The following ZNFX1 variants were observed in gnomAD, a reference collection of about 807,000 sequenced individuals.
The protein encoded by ZNFX1 is zinc finger NFX1-type containing 1.
ZNFX1 carries 78 observed loss-of-function variants against 179.8 expected under a neutral mutation model. That is an observed-to-expected ratio of 0.43 (90% CI 0.36 to 0.52). The LOEUF is 0.52. Ranked by LOEUF, ZNFX1 falls within the 20% of genes least tolerant of loss-of-function variation. The probability of loss-of-function intolerance (pLI) is 0.00; values close to 1 mark genes in which losing one functional copy is unlikely to be tolerated. For synonymous variants in ZNFX1, 848 were observed against 868.5 expected (o/e 0.98, Z 0.42); for missense variants, 1,927 against 2,386.6 (o/e 0.81, Z 4.01).
Position 49,270,927 on chromosome 20 carries a change from C to T in ZNFX1, c.885G>A (p.Leu295=), listed in dbSNP as rs768206568. Residue 295 remains leucine, a synonymous_variant, in exon 3 of 14, where the codon CTG becomes CTA. Transcript: ENST00000396105. This position sits in a 1 kb window ranked among gnomAD's most constrained non-coding sequence, Gnocchi z 4.6. The part of the protein sequence containing the change: ...VDIEEETEKN[L]EKVQTIIEHL... ...GTTCAATGATAGTCTGTACCTTTTC[C>T]AGGTTCTTCTCCGTTTCCTCTTCTA... is the stretch of plus-strand genomic sequence containing the variant. The T allele has an allele frequency of 1.9e-6, 3 of 1,614,152 alleles. No individual in the cohort carries two copies. The Admixed American group carries it at 5.0e-5, about 27-fold the overall frequency.
intron 3 of ZNFX1, 73 bp from the exon 4 acceptor site, chr20:49,266,339 T>C: frequency 7.3e-7 from 1 of 1,372,312 alleles, no homozygotes; most frequent in Non-Finnish European, 9.8e-7. Flanking sequence ...GAGCAAAATC[T>C]TTTTTTAAAT....
At chr20:49,255,730 A>C (rs1980953959) in intron 9 of ZNFX1, 78 bp downstream of exon 9, 1 of 1,480,184 alleles carries the variant, frequency 6.8e-7, no homozygotes, top group African/African-American at 1.4e-5. Flanking sequence ...ACATCGTTGA[A>C]GGTCTTGGAG....
At chr20:49,262,425 G>GA (rs201850269) in intron 6 of ZNFX1, among the ~76,000 whole-genome samples, 68 of 129,238 alleles carry the variant, frequency 5.3e-4, no homozygotes, top group African/African-American at 5.4e-4. Flanking sequence ...AAAAAAAGAA[G>GA]AAAAAAAAAA....
In ZNFX1 at chr20:49,260,523, G is replaced by A. The variant is rs770796171; in HGVS notation, c.2356C>T (p.Leu786=). The A allele has an allele frequency of 7.4e-6, 12 of 1,613,278 alleles. No homozygotes were observed. In the Admixed American group the frequency reaches 2.0e-4, roughly 27 times the overall value. ...HWKHSMMLEW[L]GLGVGSFTQS... ...GTGAAAGAACCGACACCAAGACCTA[G>A]CCACTCCAGCATCATGGAATGCTTC... The change falls in exon 7 of 14, where the codon CTA becomes TTA. Residue 786 remains leucine (L), a synonymous_variant. Coordinates refer to ENST00000396105, the MANE Select transcript of ZNFX1 (RefSeq NM_021035.3).
In ZNFX1 at chr20:49,262,627, C is replaced by T. The variant is rs117183153; in HGVS notation, c.2301+707G>A. ...TCACTTATTTGTAAGACCTGAATGA[C>T]CTCTGTAAGCTTTTGGTTTGTAATC... is the stretch of plus-strand genomic sequence containing the variant. On this transcript the variant is annotated intron_variant, in intron 6 of 13. Transcript: ENST00000396105. 7.1e-3 allele frequency among the ~76,000 whole-genome samples: 1,075 copies of T among 152,224 alleles called. 7 individuals carry two copies. Among genetic ancestry groups the T allele is most frequent in the Non-Finnish European group, 0.01 (705 of 68,014 alleles).
chr20:49,253,978 C>T (rs1980906035), intron 10 of ZNFX1, among the ~76,000 whole-genome samples, 167 bp from the exon 11 acceptor site: 1 of 152,048 alleles, frequency 6.6e-6, no homozygotes, highest in South Asian at 2.1e-4. Context: ...CTGTGTTGGT[C>T]ACTGTTGGAG....
intron 7 of ZNFX1, among the ~76,000 whole-genome samples, chr20:49,258,626 T>A (rs557145431): frequency 8.8e-6 from 1 of 114,200 alleles, no homozygotes; most frequent in South Asian, 2.8e-4. Context: ...GCCAACACGG[T>A]GAAACTCTGT....
chr20:49,255,616 T>G (rs1980950244), intron 9 of ZNFX1, among the ~76,000 whole-genome samples, 192 bp downstream of exon 9: 1 of 152,242 alleles, frequency 6.6e-6, no homozygotes, highest in Admixed American at 6.5e-5. Context: ...TTACCCTGGA[T>G]AGACTCTATA....
Position 49,252,797 on chromosome 20 carries a change from T to G in ZNFX1, c.3139A>C (p.Lys1047Gln). The G allele has an allele frequency of 1.2e-6, 2 of 1,614,124 alleles. No homozygotes were observed. The highest frequency in any genetic ancestry group is 1.7e-6 in the Non-Finnish European group (2 of 1,180,012). The change falls in exon 12 of 14, where the codon AAG (lysine) becomes CAG (glutamine). Residue 1047 changes from lysine (K) to glutamine (Q), a missense_variant. Lys to Gln is a moderately conservative substitution (Grantham distance 53). Transcript: ENST00000396105. ...AGGGACACCTCAAGGTTGAAGTTCT[T>G]GGCCAGATCATACACGTTGGCACTG... ...RPSANVYDLA[K>Q]NFNLEVSLFE...
rs1193086752 is a variant in ZNFX1, at chr20:49,271,682, G to A, written c.130C>T (p.Arg44Ter). Residue 44 changes from arginine (R) to a stop codon, truncating the protein, a stop_gained, in exon 3 of 14, where the codon CGA (arginine) becomes TGA (stop). Coordinates refer to ENST00000396105, the MANE Select transcript of ZNFX1 (RefSeq NM_021035.3). LOFTEE classifies it high-confidence loss of function. ...QANNPPANAL[R>*]GGASHPGRHP... The stretch of plus-strand genomic sequence containing the variant: ...CTTCCAGGGTGGCTGGCTCCTCCTC[G>A]GAGAGCATTGGCTGGTGGGTTATTG... 3.7e-6 allele frequency: 6 copies of A among 1,613,694 alleles called. No homozygotes were observed. Among genetic ancestry groups the A allele is most frequent in the African/African-American group, 1.3e-5 (1 of 74,814 alleles).
At position 49,270,162 on chromosome 20, in the gene ZNFX1, T is replaced by C. The variant is rs555559443; in HGVS notation, c.1650A>G (p.Leu550=). The C allele has an allele frequency of 4.5e-5, 73 of 1,614,100 alleles. No individual in the cohort carries two copies. The African/African-American group carries it at 8.4e-4, about 19-fold the overall frequency. Residue 550 remains leucine, a synonymous_variant, in exon 3 of 14, where the codon CTA becomes CTG. Coordinates refer to ENST00000396105, the MANE Select transcript of ZNFX1 (RefSeq NM_021035.3). The surrounding 1 kb of genome is among the most constrained non-coding windows in gnomAD (Gnocchi z 4.6). Reference sequence around the variant, plus strand: ...GGGTAAAGTCGTATCTGCCCCCCATTAGCAAGTACCTTGGCTCCTTCACAT... The same window carrying C: ...GGGTAAAGTCGTATCTGCCCCCCATCAGCAAGTACCTTGGCTCCTTCACAT... ...NSHVKEPRYL[L]MGGRYDFTPL...
At chr20:49,264,357 C>T (rs1017357279) in intron 5 of ZNFX1, among the ~76,000 whole-genome samples, 2 of 152,230 alleles carry the variant, frequency 1.3e-5, no homozygotes, top group Non-Finnish European at 2.9e-5. Context: ...AATATCTGTT[C>T]TCTCTCTTTT....
At chr20:49,251,814 TAGTG>T (rs1980843485) in intron 12 of ZNFX1, among the ~76,000 whole-genome samples, 192 bp from the exon 13 acceptor site, 2 of 151,484 alleles carry the variant, frequency 1.3e-5, no homozygotes, top group African/African-American at 4.8e-5. Context: ...CCTGGCAACA[TAGTG>T]AGCCCTCATC....
In ZNFX1 at chr20:49,270,615, G is replaced by A. The variant is rs760162557; in HGVS notation, c.1197C>T (p.Gly399=). The stretch of plus-strand genomic sequence containing the variant: ...TGTCATCAAACTTTCTCTTCCTCAG[G>A]CCCTGGTCTTCAAAGCTTTGGAGAA... The part of the protein sequence containing the change: ...LELLQSFEDQ[G]LRKRKFDDIR... Residue 399 remains glycine, a synonymous_variant, in exon 3 of 14, where the codon GGC becomes GGT. Transcript: ENST00000396105. The surrounding 1 kb of genome is among the most constrained non-coding windows in gnomAD (Gnocchi z 4.6). 11 of 1,614,024 alleles carry A rather than the reference G, an allele frequency of 6.8e-6. No homozygotes were observed. In the African/African-American group the frequency reaches 1.3e-4, roughly 20 times the overall value.
rs1156821091 is a variant in ZNFX1 at position 49,270,588 on chromosome 20, G to C, written c.1224C>G (p.Ile408Met). The change falls in exon 3 of 14, where the codon ATC becomes ATG. Residue 408 changes from isoleucine to methionine, a missense_variant. Ile to Met is a conservative substitution (Grantham distance 10). Coordinates refer to ENST00000396105, the MANE Select transcript of ZNFX1 (RefSeq NM_021035.3). This position sits in a 1 kb window ranked among gnomAD's most constrained non-coding sequence, Gnocchi z 4.6. ...TAATCCTGGTGTCAAAGTAGATTCG[G>C]ATGTCATCAAACTTTCTCTTCCTCA... The part of the protein sequence containing the change: ...QGLRKRKFDD[I>M]RIYFDTRIIT... 6.2e-7 allele frequency: 1 copy of C among 1,614,078 alleles called. No individual in the cohort carries two copies. Among genetic ancestry groups the C allele is most frequent in the East Asian group, 2.2e-5 (1 of 44,894 alleles).
At position 49,251,385 on chromosome 20, in the gene ZNFX1, C is replaced by T. The variant is rs147780478; in HGVS notation, c.3312+142G>A. The T allele has an allele frequency of 1.7e-4, 96 of 577,348 alleles. No individual in the cohort carries two copies. The African/African-American group carries it at 1.8e-3, about 11-fold the overall frequency. The allele number at this position is 577,348 out of a possible 1,614,324, so 35.8% of individuals were successfully genotyped here. On this transcript the variant is annotated intron_variant, in intron 13 of 13. Transcript: ENST00000396105. The stretch of plus-strand genomic sequence containing the variant: ...TCGAACTCTGACCTCAAGTGATCTG[C>T]CCACCTCAGCTTCCCAAAGTGCTGG...
rs1024442348 is a variant in ZNFX1, at chr20:49,260,580, A to G, written c.2302-3T>C. On this transcript the variant is annotated splice_region_variant and splice_polypyrimidine_tract_variant and intron_variant, in intron 6 of 13. Transcript: ENST00000396105. ...TGGAAGCAAATCCATTCACTATCCT[A>G]AGGAAAGAAGAATGATCATTTGTGA... The G allele has an allele frequency of 6.9e-6, 11 of 1,588,566 alleles. 1 individual carries two copies. In the Middle Eastern group the frequency reaches 8.3e-4, roughly 120 times the overall value.
At chr20:49,272,158 T>A (rs1316401225) in intron 2 of ZNFX1, among the ~76,000 whole-genome samples, 1 of 151,628 alleles carries the variant, frequency 6.6e-6, no homozygotes, top group East Asian at 1.9e-4. Context: ...AGTTGTATAA[T>A]TTCTCTAAGT....
chr20:49,260,872 C>T (rs564450391), intron 6 of ZNFX1, among the ~76,000 whole-genome samples: 11 of 152,156 alleles, frequency 7.2e-5, no homozygotes, highest in African/African-American at 2.2e-4. Flanking sequence ...CCTGAGGTCA[C>T]GAGTTTGAGA....
Sources: gnomAD v4.1 joint callset for allele counts (sites outside exome capture counted in the v4.1 genomes callset) on GRCh38, gnomAD v4.1.1 for gene constraint, Gnocchi (gnomAD v3.1) non-coding constraint, MANE v1.5 for transcripts, NCBI Gene and HGNC (gene_info 2026-07-23, HGNC 2026-07-21) for gene names.